Variants in ITPR1 observed in about 807,000 individuals in gnomAD.
ITPR1 encodes inositol 1,4,5-trisphosphate receptor type 1, also known as inositol 1,4,5-trisphosphate-gated calcium channel ITPR1.
A neutral mutation model predicts 318.4 loss-of-function variants in ITPR1; 96 were observed. The ratio of observed to expected loss-of-function variants is 0.30; its 90% CI spans 0.26 to 0.36. ITPR1 has a LOEUF of 0.36. Among genes scored for constraint, ITPR1 ranks in the 10% least tolerant of loss-of-function variants. The pLI is 1.00. For synonymous variants in ITPR1, 1,312 were observed against 1,289.9 expected (o/e 1.02, Z -0.37); for missense variants, 2,440 against 3,460.2 (o/e 0.71, Z 7.40).
intron 31 of ITPR1, among the ~76,000 whole-genome samples, chr3:4,689,362 T>G (rs1406466204): frequency 6.6e-6 from 1 of 152,220 alleles, no homozygotes; most frequent in Non-Finnish European, 1.5e-5. Context: ...GAAAAAGGAT[T>G]GCTGGATTGT....
chr3:4,752,701 GT>G (rs1428177927), intron 44 of ITPR1, among the ~76,000 whole-genome samples: 1 of 152,226 alleles, frequency 6.6e-6, no homozygotes, highest in African/African-American at 2.4e-5. Context: ...GCCTTACTGT[GT>G]TGACCAAGCT....
At chr3:4,780,952 A>G (rs2046794184) in intron 49 of ITPR1, among the ~76,000 whole-genome samples, 1 of 152,234 alleles carries the variant, frequency 6.6e-6, no homozygotes, top group African/African-American at 2.4e-5. Flanking sequence ...TGGTTGGAGA[A>G]CATCATTCTG....
chr3:4,653,770 C>A, intron 11 of ITPR1, 72 bp from the exon 12 acceptor site: 1 of 1,099,874 alleles, frequency 9.1e-7, no homozygotes, highest in Non-Finnish European at 1.4e-6. Context: ...GCCTTGAAGT[C>A]TCCTGCAAGT....
intron 60 of ITPR1, among the ~76,000 whole-genome samples, chr3:4,824,671 C>T (rs578141007): frequency 1.3e-5 from 2 of 152,038 alleles, no homozygotes; most frequent in African/African-American, 2.4e-5. Context: ...GGCCCCTCTG[C>T]GGGTAGAGAG....
chr3:4,553,814 T>G (rs1481661637), intron 4 of ITPR1, among the ~76,000 whole-genome samples: 3 of 152,166 alleles, frequency 2.0e-5, no homozygotes, highest in African/African-American at 7.2e-5. Flanking sequence ...TTGGCCAGGA[T>G]GGTCTCGAAC....
intron 2 of ITPR1, among the ~76,000 whole-genome samples, chr3:4,495,061 G>A (rs1424885206): frequency 6.6e-6 from 1 of 152,188 alleles, no homozygotes. Context: ...TGAGTGTCAA[G>A]GAATCTGGCA....
At chr3:4,702,734 C>T in intron 35 of ITPR1, 96 bp from the exon 36 acceptor site, 2 of 1,320,042 alleles carry the variant, frequency 1.5e-6, no homozygotes, top group African/African-American at 1.5e-5. Context: ...ATCTGGGGTC[C>T]AGTGGTTCAA....
At position 4,683,471 on chromosome 3, in the gene ITPR1, C is replaced by G. The variant is rs543972815; in HGVS notation, c.3247C>G (p.Pro1083Ala). The G allele has an allele frequency of 1.2e-6, 2 of 1,614,036 alleles. No homozygotes were observed. The highest frequency in any genetic ancestry group is 2.2e-5 in the South Asian group (2 of 91,086). The part of the protein sequence containing the change: ...VLLHLTMHDY[P>A]PLVSGALQLL... ...GCTCCACTTGACGATGCATGACTAC[C>G]CACCCCTGGTGTCAGGGGCCCTGCA... The change falls in exon 27 of 62, where the codon CCA becomes GCA. Residue 1083 changes from proline to alanine, a missense_variant. Pro to Ala is a conservative substitution (Grantham distance 27). Coordinates refer to ENST00000649015, the MANE Select transcript of ITPR1 (RefSeq NM_001378452.1).
chr3:4,730,371 ATGTGTG>A (rs369249391), intron 42 of ITPR1, among the ~76,000 whole-genome samples: 1,021 of 57,350 alleles, frequency 0.018, 7 homozygotes, highest in African/African-American at 0.051. Flanking sequence ...GTTGGGTGGA[ATGTGTG>A]TGTGTGTGTG....
rs118065930 is a variant in ITPR1 at position 4,608,355 on chromosome 3, G to C, written c.164-19408G>C. 6.2e-3 allele frequency among the ~76,000 whole-genome samples: 950 copies of C among 152,302 alleles called. 29 individuals are homozygous for C. The highest frequency in any genetic ancestry group is 0.048 in the Admixed American group (739 of 15,306). ...TCAAGTGTAGAATTCCAGCCATCAA[G>C]TAGGATTCCAAGAAGTACAGCAAAG... On this transcript the variant is annotated intron_variant, in intron 4 of 61. Coordinates refer to ENST00000649015, the MANE Select transcript of ITPR1 (RefSeq NM_001378452.1).
chr3:4,642,698 A>G (rs868441793), intron 7 of ITPR1, among the ~76,000 whole-genome samples: 1 of 152,358 alleles, frequency 6.6e-6, no homozygotes, highest in African/African-American at 2.4e-5. Context: ...TGTGTCGAGA[A>G]GCCGGCAGGC....
chr3:4,559,483 CTAAATT>C (rs1279683868), intron 4 of ITPR1, among the ~76,000 whole-genome samples: 6 of 152,082 alleles, frequency 3.9e-5, no homozygotes, highest in Non-Finnish European at 8.8e-5. Context: ...TTTTTAATGA[CTAAATT>C]TAAACATCTC....
At chr3:4,612,202 C>G (rs559184938) in intron 4 of ITPR1, among the ~76,000 whole-genome samples, 1 of 151,132 alleles carries the variant, frequency 6.6e-6, no homozygotes, top group Non-Finnish European at 1.5e-5. Flanking sequence ...GCTGGGATTA[C>G]AGGCGCCCAC....
At chr3:4,604,144 G>A (rs2091517867) in intron 4 of ITPR1, among the ~76,000 whole-genome samples, 1 of 152,142 alleles carries the variant, frequency 6.6e-6, no homozygotes, top group East Asian at 1.9e-4. Context: ...CTTTGAGAAG[G>A]GCTGTACATT....
intron 4 of ITPR1, among the ~76,000 whole-genome samples, chr3:4,622,516 C>G (rs1489280586): frequency 6.8e-6 from 1 of 146,632 alleles, no homozygotes; most frequent in East Asian, 2.0e-4. Flanking sequence ...CTCCGCCTCC[C>G]GGGTTCAAGT....
Position 4,779,879 on chromosome 3 carries a change from C to T in ITPR1, c.6387+234C>T, listed in dbSNP as rs908830261. On this transcript the variant is annotated intron_variant, in intron 49 of 61. Transcript: ENST00000649015. This position sits in a 1 kb window ranked among gnomAD's most constrained non-coding sequence, Gnocchi z 4.0. Reference sequence around the variant, plus strand: ...ATGGCAAAACCACTATTACTTTTGCCGTTGAAAGTAATGGCAAAAACCGCG... The same window carrying T: ...ATGGCAAAACCACTATTACTTTTGCTGTTGAAAGTAATGGCAAAAACCGCG... Among the ~76,000 whole-genome samples, 4 of 147,062 alleles carry T rather than the reference C, an allele frequency of 2.7e-5. No homozygotes were observed. Among genetic ancestry groups the T allele is most frequent in the Admixed American group, 6.8e-5 (1 of 14,770 alleles).
intron 35 of ITPR1, 102 bp downstream of exon 35, chr3:4,700,043 A>C (rs912357193): frequency 2.0e-6 from 2 of 1,022,774 alleles, no homozygotes; most frequent in African/African-American, 3.2e-5. Context: ...ACTGGTCTGC[A>C]AGGCATTAAT....
chr3:4,646,871 G>A (rs984884434), intron 10 of ITPR1, among the ~76,000 whole-genome samples: 14 of 152,086 alleles, frequency 9.2e-5, no homozygotes, highest in South Asian at 2.1e-4. Flanking sequence ...GTCTCTGCTT[G>A]CGTTCTCTTT....
chr3:4,700,789 C>A (rs2125262245), intron 35 of ITPR1, among the ~76,000 whole-genome samples: 1 of 152,302 alleles, frequency 6.6e-6, no homozygotes, highest in Middle Eastern at 3.4e-3. Context: ...GTTTAGTGGA[C>A]TCACAGTTCC....
Sources: gnomAD v4.1 joint callset for allele counts (sites outside exome capture counted in the v4.1 genomes callset) on GRCh38, gnomAD v4.1.1 for gene constraint, Gnocchi (gnomAD v3.1) non-coding constraint, MANE v1.5 for transcripts, NCBI Gene and HGNC (gene_info 2026-07-23, HGNC 2026-07-21) for gene names.